PXK: variants seen among roughly 807,000 people sequenced by gnomAD.
PXK encodes the protein PX domain containing serine/threonine kinase like, also known as PX domain-containing protein kinase-like protein.
A neutral mutation model predicts 84.7 loss-of-function variants in PXK; 35 were observed. The observed-to-expected ratio is 0.41, with a 90% CI of 0.32 to 0.55. The LOEUF (loss-of-function observed/expected upper bound fraction) is 0.55. Ranked by LOEUF, PXK falls within the 20% of genes least tolerant of loss-of-function variation. The pLI is 0.21. For missense variants in PXK, 634 were observed against 699.7 expected (o/e 0.91, Z 1.06); for synonymous variants, 253 against 260.8 (o/e 0.97, Z 0.29).
chr3:58,386,113 G>A (rs1576394799), intron 4 of PXK, among the ~76,000 whole-genome samples: 1 of 152,146 alleles, frequency 6.6e-6, no homozygotes, highest in African/African-American at 2.4e-5. Flanking sequence ...GTTTTCTCCA[G>A]AAGAGCCAAT....
intron 3 of PXK, 37 bp downstream of exon 3, chr3:58,369,515 A>G (rs768223786): frequency 1.1e-5 from 17 of 1,556,698 alleles, no homozygotes; most frequent in Non-Finnish European, 1.5e-5. Context: ...CACATTGATT[A>G]CTTGGGGTGT....
chr3:58,361,801 A>T (rs1314566905), intron 1 of PXK, among the ~76,000 whole-genome samples: 1 of 152,220 alleles, frequency 6.6e-6, no homozygotes, highest in Admixed American at 6.5e-5. Context: ...AGTTGCTATG[A>T]ACATTTGTGT....
chr3:58,360,081 G>A (rs1391643346), intron 1 of PXK, among the ~76,000 whole-genome samples: 2 of 152,116 alleles, frequency 1.3e-5, no homozygotes, highest in Non-Finnish European at 2.9e-5. Flanking sequence ...CCAGGAGGTC[G>A]AGGCCGCATG....
In PXK at chr3:58,411,196, A is replaced by G. The variant is rs74776718; in HGVS notation, c.1465+1037A>G. ...GCCTGGGGCGGGAGGAGAAAAGTGT[A>G]CAAGATGATTAGGCTGCAGCCCAGA... On this transcript the variant is annotated intron_variant, in intron 16 of 17. Coordinates refer to ENST00000356151, the MANE Select transcript of PXK (RefSeq NM_017771.5). The surrounding 1 kb of genome is among the most constrained non-coding windows in gnomAD (Gnocchi z 4.2). Among the ~76,000 whole-genome samples, 8,530 of 152,294 alleles carry G rather than the reference A, an allele frequency of 0.056. 332 individuals carry two copies. Among genetic ancestry groups the G allele is most frequent in the Non-Finnish European group, 0.082 (5,578 of 68,006 alleles).
intron 13 of PXK, among the ~76,000 whole-genome samples, chr3:58,404,518 G>A (rs1462998149): frequency 6.6e-6 from 1 of 152,108 alleles, no homozygotes; most frequent in East Asian, 1.9e-4. Flanking sequence ...TCTCCTGGGG[G>A]GTAGTGTACA....
intron 17 of PXK, chr3:58,422,617 A>G (rs1369668092): frequency 1.0e-6 from 1 of 985,258 alleles, no homozygotes; most frequent in Non-Finnish European, 1.2e-6. Flanking sequence ...CTCAACTCCC[A>G]AACTCTGCGG....
At chr3:58,394,722 C>A (rs562129598) in intron 7 of PXK, among the ~76,000 whole-genome samples, 41 of 152,310 alleles carry the variant, frequency 2.7e-4, no homozygotes, top group South Asian at 1.2e-3. Context: ...GTGCACACAC[C>A]AAAGAGGACC....
rs1302065963 is a variant in PXK at position 58,401,990 on chromosome 3, A to G, written c.1182-1872A>G. 1.3e-5 allele frequency among the ~76,000 whole-genome samples: 2 copies of G among 152,188 alleles called. No homozygotes were observed. Among genetic ancestry groups the G allele is most frequent in the South Asian group, 2.1e-4 (1 of 4,828 alleles). ...GTAGTTCCAGCTACTCAGGAGGCCA[A>G]GATGGGAGGATTGATTGAGCCCAGG... On this transcript the variant is annotated intron_variant, in intron 12 of 17. Coordinates refer to ENST00000356151, the MANE Select transcript of PXK (RefSeq NM_017771.5). The surrounding 1 kb of genome is among the most constrained non-coding windows in gnomAD (Gnocchi z 4.4).
intron 1 of PXK, among the ~76,000 whole-genome samples, chr3:58,351,393 ATT>A (rs201486291): frequency 5.3e-5 from 4 of 75,988 alleles, no homozygotes; most frequent in African/African-American, 2.0e-4. Context: ...ACAGCTAGCT[ATT>A]TGTGTGTGTG....
chr3:58,391,070 T>C, intron 5 of PXK, 77 bp from the exon 6 acceptor site: 1 of 1,044,596 alleles, frequency 9.6e-7, no homozygotes, highest in South Asian at 1.3e-5. Flanking sequence ...TAATTTTTCT[T>C]GATTACCTAG....
In PXK at chr3:58,390,648, T is replaced by C. The variant is rs748162949; in HGVS notation, c.455T>C (p.Leu152Ser). ...CCAAAGTGGGAGGTGGTGGAACCTTTGAAAGACATAGGTGAGACATTGGCA... is the reference window on the plus strand; with the variant it reads ...CCAAAGTGGGAGGTGGTGGAACCTTCGAAAGACATAGGTGAGACATTGGCA... ...SEPKWEVVEP[L>S]KDIGWRIRKK... Residue 152 changes from leucine to serine, a missense_variant, in exon 5 of 18, where the codon TTG (leucine) becomes TCG (serine). Physicochemically the swap from Leu to Ser is moderately radical, Grantham distance 145. Around this residue, in one of 3 missense-constraint regions of PXK, gnomAD observed 353 missense variants for 385.2 expected, o/e 0.92. Transcript: ENST00000356151. This position sits in a 1 kb window ranked among gnomAD's most constrained non-coding sequence, Gnocchi z 4.2. The C allele has an allele frequency of 1.3e-5, 21 of 1,612,278 alleles. No homozygotes were observed. The South Asian group carries it at 2.3e-4, about 18-fold the overall frequency.
chr3:58,336,635 A>G (rs559379047), intron 1 of PXK, among the ~76,000 whole-genome samples: 2 of 152,346 alleles, frequency 1.3e-5, no homozygotes, highest in South Asian at 4.1e-4. Flanking sequence ...GGGAAAGGTA[A>G]GTTCTTGGCT....
chr3:58,397,818 C>A lies in PXK; in HGVS notation c.1102+96C>A. 1 of 915,508 alleles carries A rather than the reference C, an allele frequency of 1.1e-6. No homozygotes were observed. Among genetic ancestry groups the A allele is most frequent in the African/African-American group, 1.6e-5 (1 of 60,710 alleles). The allele number at this position is 915,508 out of a possible 1,614,324, so 56.7% of individuals were successfully genotyped here. ...TCCAGGAAAGACCCAGAGGAAGTTG[C>A]TGTCCTCCACAGCCAGAAATTCTTA... On this transcript the variant is annotated intron_variant, in intron 11 of 17. Transcript: ENST00000356151. This position sits in a 1 kb window ranked among gnomAD's most constrained non-coding sequence, Gnocchi z 4.7.
At position 58,397,112 on chromosome 3, in the gene PXK, A is replaced by G; in HGVS notation, c.896A>G (p.Asp299Gly). 1 of 1,614,102 alleles carries G rather than the reference A, an allele frequency of 6.2e-7. No homozygotes were observed. The highest frequency in any genetic ancestry group is 8.5e-7 in the Non-Finnish European group (1 of 1,179,998). ...GCCTCCAATGTGATGCTCGATGGGG[A>G]CACTTGCCGGCTGCTGGACCTTGAG... ...LHASNVMLDG[D>G]TCRLLDLENS... Residue 299 changes from aspartate (D) to glycine (G), a missense_variant, in exon 10 of 18, where the codon GAC becomes GGC. Around this residue, in one of 3 missense-constraint regions of PXK, gnomAD observed 353 missense variants for 385.2 expected, o/e 0.92. Coordinates refer to ENST00000356151, the MANE Select transcript of PXK (RefSeq NM_017771.5). This position sits in a 1 kb window ranked among gnomAD's most constrained non-coding sequence, Gnocchi z 4.7.
At chr3:58,424,714 TG>T (rs2062576088) in intron 17 of PXK, 37 bp from the exon 18 acceptor site, 1 of 1,601,330 alleles carries the variant, frequency 6.2e-7, no homozygotes, top group South Asian at 1.1e-5. Flanking sequence ...AGGGCAGCTG[TG>T]GAGGTGAATA....
At position 58,369,495 on chromosome 3, in the gene PXK, T is replaced by C. The variant is rs778151654; in HGVS notation, c.201+17T>C. 6 of 1,596,642 alleles carry C rather than the reference T, an allele frequency of 3.8e-6. No homozygotes were observed. The South Asian group carries it at 6.6e-5, about 18-fold the overall frequency. On this transcript the variant is annotated intron_variant, in intron 3 of 17. Coordinates refer to ENST00000356151, the MANE Select transcript of PXK (RefSeq NM_017771.5). ...AGCTTACAGGTAAATGTTTTGAAAT[T>C]CTAATTACACACATTGATTACTTGG...
At chr3:58,417,318 A>C (rs2061130058) in intron 17 of PXK, among the ~76,000 whole-genome samples, 1 of 152,224 alleles carries the variant, frequency 6.6e-6, no homozygotes. Context: ...AGGTAAGTTG[A>C]ATTCAGCAGC....
At position 58,409,105 on chromosome 3, in the gene PXK, A is replaced by C. The variant is rs2059808920; in HGVS notation, c.1308+104A>C. On this transcript the variant is annotated intron_variant, in intron 14 of 17. Transcript: ENST00000356151. This position sits in a 1 kb window ranked among gnomAD's most constrained non-coding sequence, Gnocchi z 4.2. ...TGTTCCCTCTGCAAATATTTTAAGC[A>C]TACTTACTCTCAGCCAGCCTTTAGG... 3 of 876,100 alleles carry C rather than the reference A, an allele frequency of 3.4e-6. No individual in the cohort carries two copies. The highest frequency in any genetic ancestry group is 1.7e-5 in the African/African-American group (1 of 59,106). 54.3% of individuals were successfully genotyped at this position (876,100 alleles called of 1,614,324 possible). A position where few individuals can be genotyped will look rare whatever the true frequency, so the allele number is the denominator to read the frequency against.
In PXK at chr3:58,390,212, G is replaced by A. The variant is rs764808319; in HGVS notation, c.389-370G>A. ...AAAACAAAACTAAACAAAAGAAGTT[G>A]CAATGATAGTACAGAAAATTGCCAT... On this transcript the variant is annotated intron_variant, in intron 4 of 17. Transcript: ENST00000356151. This position sits in a 1 kb window ranked among gnomAD's most constrained non-coding sequence, Gnocchi z 4.2. Among the ~76,000 whole-genome samples the A allele has an allele frequency of 6.6e-6, 1 of 151,826 alleles. No homozygotes were observed. Among genetic ancestry groups the A allele is most frequent in the African/African-American group, 2.4e-5 (1 of 41,344 alleles).
Sources: gnomAD v4.1 joint callset for allele counts (sites outside exome capture counted in the v4.1 genomes callset) on GRCh38, gnomAD v4.1.1 for gene constraint, gnomAD v4.1.1 regional missense constraint, Gnocchi (gnomAD v3.1) non-coding constraint, MANE v1.5 for transcripts, NCBI Gene and HGNC (gene_info 2026-07-23, HGNC 2026-07-21) for gene names.